Variants in AFG1L observed in about 807,000 individuals in gnomAD.
AFG1L encodes the protein AFG1-like ATPase.
A neutral mutation model predicts 62.2 loss-of-function variants in AFG1L; 53 were observed. That is an observed-to-expected ratio of 0.85 (90% confidence interval 0.68 to 1.07). AFG1L has a LOEUF of 1.07. AFG1L is among the 50% of genes least tolerant of loss of function. The probability of loss-of-function intolerance (pLI) is 0.00; values close to 1 mark genes in which losing one functional copy is unlikely to be tolerated. For missense variants in AFG1L, 555 were observed against 590.5 expected (o/e 0.94, Z 0.62); for synonymous variants, 228 against 210.3 (o/e 1.08, Z -0.73).
At chr6:108,427,765 A>G (rs947433216) in intron 7 of AFG1L, among the ~76,000 whole-genome samples, 1 of 151,910 alleles carries the variant, frequency 6.6e-6, no homozygotes, top group Non-Finnish European at 1.5e-5. Context: ...CAAGTGATCC[A>G]CCTACCTTGG....
At chr6:108,503,397 A>G (rs563263673) in intron 10 of AFG1L, among the ~76,000 whole-genome samples, 39 of 152,372 alleles carry the variant, frequency 2.6e-4, no homozygotes, top group African/African-American at 9.1e-4. Flanking sequence ...TCATGAAAAC[A>G]ACATTCATCT....
intron 1 of AFG1L, among the ~76,000 whole-genome samples, chr6:108,302,909 A>G (rs1302445239): frequency 1.3e-5 from 2 of 152,102 alleles, no homozygotes; most frequent in African/African-American, 4.8e-5. Flanking sequence ...TACTTTGCTT[A>G]ATTGTTAAAA....
At chr6:108,312,879 C>T (rs1261478722) in intron 1 of AFG1L, among the ~76,000 whole-genome samples, 3 of 152,018 alleles carry the variant, frequency 2.0e-5, no homozygotes, top group Non-Finnish European at 4.4e-5. Context: ...TCTAGTGATC[C>T]TCCCACCTTG....
At chr6:108,456,355 G>C (rs1772252114) in intron 8 of AFG1L, among the ~76,000 whole-genome samples, 1 of 151,746 alleles carries the variant, frequency 6.6e-6, no homozygotes, top group Non-Finnish European at 1.5e-5. Flanking sequence ...CATATATTTG[G>C]GTATTTATTT....
rs1221718182 is a variant in AFG1L, at chr6:108,519,763, G to C, written c.1270G>C (p.Glu424Gln). 5 of 1,613,422 alleles carry C rather than the reference G, an allele frequency of 3.1e-6. No individual in the cohort carries two copies. Among genetic ancestry groups the C allele is most frequent in the Non-Finnish European group, 3.4e-6 (4 of 1,179,742 alleles). The change falls in exon 12 of 13, where the codon GAG (glutamate) becomes CAG (glutamine). Residue 424 changes from glutamate to glutamine, a missense_variant. Coordinates refer to ENST00000368977, the MANE Select transcript of AFG1L (RefSeq NM_145315.5). ...SLFLHQHHDS[E>Q]LEQSRILMDD... ...ATTTTTGCATCAACATCATGACAGTGAGTTGGAGCAAAGCAGAATACTGAT... is the reference window on the plus strand; with the variant it reads ...ATTTTTGCATCAACATCATGACAGTCAGTTGGAGCAAAGCAGAATACTGAT...
intron 1 of AFG1L, among the ~76,000 whole-genome samples, chr6:108,303,724 C>T (rs534873858): frequency 1.3e-5 from 2 of 152,256 alleles, no homozygotes; most frequent in Admixed American, 1.3e-4. Flanking sequence ...TCCTCCATTT[C>T]TTCATAATAT....
At chr6:108,419,719 TGTG>T (rs1770501829) in intron 7 of AFG1L, among the ~76,000 whole-genome samples, 1 of 152,212 alleles carries the variant, frequency 6.6e-6, no homozygotes, top group African/African-American at 2.4e-5. Context: ...TCTTGACTGT[TGTG>T]CATCCTTTAC....
At chr6:108,472,891 C>T (rs1368871641) in intron 8 of AFG1L, among the ~76,000 whole-genome samples, 1 of 151,840 alleles carries the variant, frequency 6.6e-6, no homozygotes, top group Non-Finnish European at 1.5e-5. Context: ...GCATCCTCCA[C>T]CTCCCAGGTT....
At chr6:108,500,171 CGTGT>C (rs61654685) in intron 10 of AFG1L, among the ~76,000 whole-genome samples, 2,735 of 135,114 alleles carry the variant, frequency 0.02, 42 homozygotes, top group Non-Finnish European at 0.028. Context: ...ATGGTGCGTG[CGTGT>C]GTGTGTGTGT....
At chr6:108,355,780 A>AT (rs773613532) in intron 4 of AFG1L, 25 bp downstream of exon 4, 33 of 1,463,366 alleles carry the variant, frequency 2.3e-5, no homozygotes, top group Middle Eastern at 1.7e-4. Context: ...GAAAGAAGTG[A>AT]TTTTTTCAGT....
Position 108,299,858 on chromosome 6 carries a change from GGCCTCAT to G in AFG1L, c.139+4641_139+4647del, listed in dbSNP as rs149122162. ...TGACATTTTGTGAGCAGAAGAAGGGGGCCTCATAGAGTGGTCTTAGGAGACTAGGAGA... is the reference window on the plus strand; with the variant it reads ...TGACATTTTGTGAGCAGAAGAAGGGGAGAGTGGTCTTAGGAGACTAGGAGA... On this transcript the variant is annotated intron_variant, in intron 1 of 12. Transcript: ENST00000368977. Among the ~76,000 whole-genome samples, 768 of 152,248 alleles carry G rather than the reference GGCCTCAT, an allele frequency of 5.0e-3. 3 individuals are homozygous for G. Among genetic ancestry groups the G allele is most frequent in the African/African-American group, 0.018 (742 of 41,536 alleles).
At chr6:108,441,820 A>G (rs936505872) in intron 7 of AFG1L, among the ~76,000 whole-genome samples, 5 of 151,826 alleles carry the variant, frequency 3.3e-5, no homozygotes, top group African/African-American at 1.2e-4. Context: ...GGTATTCCTC[A>G]GTGGTGATTA....
intron 11 of AFG1L, among the ~76,000 whole-genome samples, chr6:108,516,943 A>G (rs1489780714): frequency 2.6e-5 from 4 of 152,216 alleles, no homozygotes; most frequent in Admixed American, 2.6e-4. Flanking sequence ...TCCAACTTAC[A>G]AGGGATGTGA....
At chr6:108,296,964 C>CTAT (rs1776788151) in intron 1 of AFG1L, among the ~76,000 whole-genome samples, 1 of 152,112 alleles carries the variant, frequency 6.6e-6, no homozygotes, top group Non-Finnish European at 1.5e-5. Flanking sequence ...GAAGGCTGTG[C>CTAT]TATTAATCTA....
intron 7 of AFG1L, among the ~76,000 whole-genome samples, chr6:108,404,724 T>A (rs575205527): frequency 1.3e-5 from 2 of 151,754 alleles, no homozygotes; most frequent in African/African-American, 4.8e-5. Context: ...ATAATTATTT[T>A]ATTTATTTAT....
intron 7 of AFG1L, among the ~76,000 whole-genome samples, chr6:108,442,949 A>G (rs1301681190): frequency 2.0e-5 from 3 of 152,202 alleles, no homozygotes; most frequent in Non-Finnish European, 1.5e-5. Flanking sequence ...TGCAGATGAT[A>G]AACAGCCCTC....
At chr6:108,328,588 AG>A (rs1240934331) in intron 2 of AFG1L, among the ~76,000 whole-genome samples, 1 of 151,448 alleles carries the variant, frequency 6.6e-6, no homozygotes, top group Non-Finnish European at 1.5e-5. Context: ...TTTTTAATAG[AG>A]ATGGGGTTTT....
intron 5 of AFG1L, 87 bp downstream of exon 5, chr6:108,356,907 T>G: frequency 1.7e-6 from 2 of 1,176,496 alleles, no homozygotes; most frequent in Non-Finnish European, 2.4e-6. Context: ...TATCATTGGT[T>G]TATAAGGTGA....
intron 10 of AFG1L, among the ~76,000 whole-genome samples, chr6:108,492,629 T>C (rs1310846883): frequency 6.6e-6 from 1 of 152,192 alleles, no homozygotes; most frequent in Non-Finnish European, 1.5e-5. Flanking sequence ...GAAAATACCT[T>C]TTCCAGTGGG....
Sources: gnomAD v4.1 joint callset for allele counts (sites outside exome capture counted in the v4.1 genomes callset) on GRCh38, gnomAD v4.1.1 for gene constraint, MANE v1.5 for transcripts, NCBI Gene and HGNC (gene_info 2026-07-23, HGNC 2026-07-21) for gene names.